The following KCNC2 variants were observed in gnomAD, a reference collection of about 807,000 sequenced individuals.
KCNC2 encodes potassium voltage-gated channel subfamily C member 2, also known as voltage-gated potassium channel KCNC2.
KCNC2 carries 21 observed loss-of-function variants against 44.5 expected under a neutral mutation model. The observed-to-expected ratio is 0.47, with a 90% CI of 0.33 to 0.68. The LOEUF is 0.68. Among genes scored for constraint, KCNC2 ranks in the 30% least tolerant of loss-of-function variants. The probability of loss-of-function intolerance (pLI) is 0.01; values close to 1 mark genes in which losing one functional copy is unlikely to be tolerated. For synonymous variants in KCNC2, 391 were observed against 339.1 expected (o/e 1.15, Z -1.68); for missense variants, 589 against 826.2 (o/e 0.71, Z 3.52).
intron 2 of KCNC2, among the ~76,000 whole-genome samples, chr12:75,116,857 G>A (rs1159024438): frequency 6.6e-6 from 1 of 152,070 alleles, no homozygotes; most frequent in East Asian, 1.9e-4. Context: ...CTAATTCCCT[G>A]CTGCCCACCT....
intron 2 of KCNC2, among the ~76,000 whole-genome samples, chr12:75,197,063 T>C (rs2030832531): frequency 6.6e-6 from 1 of 152,052 alleles, no homozygotes; most frequent in Non-Finnish European, 1.5e-5. Flanking sequence ...CAAATCCCAC[T>C]GAATGAGGAT....
chr12:75,139,197 G>C (rs576901825), intron 2 of KCNC2, among the ~76,000 whole-genome samples: 1 of 151,940 alleles, frequency 6.6e-6, no homozygotes, highest in African/African-American at 2.4e-5. Context: ...GCTCTCTTTC[G>C]AGTTAAAATA....
At chr12:75,134,941 C>T (rs1340947909) in intron 2 of KCNC2, among the ~76,000 whole-genome samples, 2 of 151,728 alleles carry the variant, frequency 1.3e-5, no homozygotes, top group East Asian at 1.9e-4. Flanking sequence ...ATTAAACAGG[C>T]TTTATATAAT....
chr12:75,054,556 T>C (rs1364336931), intron 2 of KCNC2, among the ~76,000 whole-genome samples: 1 of 152,190 alleles, frequency 6.6e-6, no homozygotes, highest in African/African-American at 2.4e-5. Flanking sequence ...TGTTTTGCTT[T>C]CAGCAAAAGG....
At chr12:75,103,601 G>T (rs899158616) in intron 2 of KCNC2, among the ~76,000 whole-genome samples, 6 of 152,068 alleles carry the variant, frequency 3.9e-5, no homozygotes, top group African/African-American at 1.2e-4. Context: ...AGGAGACCTG[G>T]GGCTACAAAT....
At chr12:75,186,384 T>C (rs543243311) in intron 2 of KCNC2, among the ~76,000 whole-genome samples, 1 of 152,310 alleles carries the variant, frequency 6.6e-6, no homozygotes, top group East Asian at 1.9e-4. Context: ...AATTTCTATT[T>C]ATTTCTATGA....
chr12:75,090,022 C>T (rs1458612), intron 2 of KCNC2, among the ~76,000 whole-genome samples: 66,082 of 151,476 alleles, frequency 0.44, 16,023 homozygotes, highest in African/African-American at 0.63. Flanking sequence ...TAAGACTTTC[C>T]AATAAGCTGG....
chr12:75,041,005 G>A lies in KCNC2; in HGVS notation c.*2100C>T, dbSNP rs1879833531. 13 of 896,262 alleles carry A rather than the reference G, an allele frequency of 1.5e-5. No individual in the cohort carries two copies. Among genetic ancestry groups the A allele is most frequent in the Non-Finnish European group, 1.8e-6 (1 of 559,348 alleles). The allele number at this position is 896,262 out of a possible 1,614,324, so 55.5% of individuals were successfully genotyped here. A position where few individuals can be genotyped will look rare whatever the true frequency, so the allele number is the denominator to read the frequency against. On this transcript the variant is annotated 3_prime_UTR_variant, in exon 5 of 5. Coordinates refer to ENST00000549446, the MANE Select transcript of KCNC2 (RefSeq NM_139137.4). Reference sequence around the variant, plus strand: ...TCTACAAGCAGAGCACTCTCATGGGGAGCACCAGATGAGTTCCAGCCGCAG... The same window carrying A: ...TCTACAAGCAGAGCACTCTCATGGGAAGCACCAGATGAGTTCCAGCCGCAG...
intron 2 of KCNC2, among the ~76,000 whole-genome samples, chr12:75,201,913 C>T (rs2031312407): frequency 6.6e-6 from 1 of 151,812 alleles, no homozygotes; most frequent in Non-Finnish European, 1.5e-5. Context: ...ATCTTTAATG[C>T]CCTTTACTAT....
At chr12:75,086,607 A>G (rs57201673) in intron 2 of KCNC2, among the ~76,000 whole-genome samples, 23,152 of 148,110 alleles carry the variant, frequency 0.16, 1,985 homozygotes, top group Middle Eastern at 0.25. Flanking sequence ...AGATATTTTT[A>G]GTTCACCTTC....
chr12:75,153,563 C>A (rs767746005), intron 2 of KCNC2, among the ~76,000 whole-genome samples: 1 of 151,650 alleles, frequency 6.6e-6, no homozygotes, highest in Non-Finnish European at 1.5e-5. Flanking sequence ...CCAGTCTTCA[C>A]CACTATGCAA....
chr12:75,155,152 C>A (rs1438192173), intron 2 of KCNC2, among the ~76,000 whole-genome samples: 4 of 151,778 alleles, frequency 2.6e-5, no homozygotes, highest in Non-Finnish European at 4.4e-5. Context: ...TTTACCATGC[C>A]TGCAGAAATT....
At position 75,066,353 on chromosome 12, in the gene KCNC2, C is replaced by G. The variant is rs1001307705; in HGVS notation, c.688-15036G>C. Among the ~76,000 whole-genome samples, 3 of 152,152 alleles carry G rather than the reference C, an allele frequency of 2.0e-5. No individual in the cohort carries two copies. In the South Asian group the frequency reaches 6.2e-4, roughly 32 times the overall value. ...GAAGTAATATTAAGGATTTCAAATA[C>G]AGCAGGTCACTTATATATTTGGTTT... is the stretch of plus-strand genomic sequence containing the variant. On this transcript the variant is annotated intron_variant, in intron 2 of 4. Coordinates refer to ENST00000549446, the MANE Select transcript of KCNC2 (RefSeq NM_139137.4).
chr12:75,044,988 A>T (rs1880317496), intron 4 of KCNC2, among the ~76,000 whole-genome samples: 1 of 151,974 alleles, frequency 6.6e-6, no homozygotes, highest in Non-Finnish European at 1.5e-5. Context: ...AGAAATTTTC[A>T]CATGCACAGA....
rs572640975 is a variant in KCNC2 at position 75,079,921 on chromosome 12, T to C, written c.688-28604A>G. Among the ~76,000 whole-genome samples, 16 of 152,272 alleles carry C rather than the reference T, an allele frequency of 1.1e-4. 1 individual carries two copies. In the South Asian group the frequency reaches 2.9e-3, roughly 28 times the overall value. ...GGAGAACAATGTGATTCCCTGTTAATGTCTCTGAGTCCTTCCCACATTTCA... is the reference window on the plus strand; with the variant it reads ...GGAGAACAATGTGATTCCCTGTTAACGTCTCTGAGTCCTTCCCACATTTCA... On this transcript the variant is annotated intron_variant, in intron 2 of 4. Coordinates refer to ENST00000549446, the MANE Select transcript of KCNC2 (RefSeq NM_139137.4).
intron 2 of KCNC2, among the ~76,000 whole-genome samples, chr12:75,100,179 T>C (rs984203010): frequency 2.6e-5 from 4 of 152,114 alleles, no homozygotes; most frequent in East Asian, 1.9e-4. Context: ...GCGAGTTCTA[T>C]AGTCTTTTTC....
chr12:75,199,699 C>T (rs1200413023), intron 2 of KCNC2, among the ~76,000 whole-genome samples: 19 of 151,774 alleles, frequency 1.3e-4, no homozygotes, highest in Admixed American at 1.2e-3. Flanking sequence ...ACCAGTCATC[C>T]CTGGGAAAAC....
chr12:75,111,299 C>A (rs1001344921), intron 2 of KCNC2, among the ~76,000 whole-genome samples: 12 of 152,098 alleles, frequency 7.9e-5, no homozygotes, highest in Non-Finnish European at 2.9e-5. Context: ...TTTTTGATTT[C>A]AGACATTAAG....
intron 2 of KCNC2, among the ~76,000 whole-genome samples, chr12:75,202,738 A>G (rs958690027): frequency 6.6e-6 from 1 of 151,568 alleles, no homozygotes; most frequent in East Asian, 1.9e-4. Context: ...ATACCTTAAC[A>G]TCATCATTTC....
Sources: allele counts gnomAD v4.1 joint callset (sites outside exome capture counted in the v4.1 genomes callset), GRCh38; gene constraint gnomAD v4.1.1; transcripts MANE v1.5; gene names NCBI Gene and HGNC (gene_info 2026-07-23, HGNC 2026-07-21).